The following SEMA3A variants were observed in gnomAD, a reference collection of about 807,000 sequenced individuals.
SEMA3A encodes semaphorin 3A.
Under a neutral mutation model 97.9 loss-of-function variants are expected in SEMA3A, and 29 were observed. The ratio of observed to expected loss-of-function variants is 0.30; its 90% CI spans 0.22 to 0.40. The LOEUF is 0.40. Among genes scored for constraint, SEMA3A ranks in the 10% least tolerant of loss-of-function variants. The pLI is 1.00. For missense variants in SEMA3A, 763 were observed against 951.3 expected, an observed-to-expected ratio of 0.80 and a Z score of 2.60; for synonymous variants, 321 against 323.7, an observed-to-expected ratio of 0.99 and a Z score of 0.09.
chr7:84,281,787 G>A (rs1197998968), intron 3 of SEMA3A, among the ~76,000 whole-genome samples: 1 of 152,038 alleles, frequency 6.6e-6, no homozygotes, highest in African/African-American at 2.4e-5. Flanking sequence ...CTATAAAATG[G>A]GGGAAAATGT....
chr7:84,026,171 A>C (rs1791536737), intron 6 of SEMA3A, among the ~76,000 whole-genome samples: 1 of 152,186 alleles, frequency 6.6e-6, no homozygotes, highest in South Asian at 2.1e-4. Context: ...AAGCATAAAT[A>C]CATAAAGTCA....
At chr7:84,400,606 A>G (rs1803875462) in intron 1 of SEMA3A, among the ~76,000 whole-genome samples, 1 of 152,170 alleles carries the variant, frequency 6.6e-6, no homozygotes, top group Non-Finnish European at 1.5e-5. Flanking sequence ...AAAAGATGAA[A>G]GAGTGAAGAA....
At chr7:84,044,399 G>A (rs1792266752) in intron 6 of SEMA3A, among the ~76,000 whole-genome samples, 1 of 151,946 alleles carries the variant, frequency 6.6e-6, no homozygotes, top group Non-Finnish European at 1.5e-5. Flanking sequence ...TTGACTACAT[G>A]TCTAATCCCC....
chr7:84,057,741 G>A lies in SEMA3A; in HGVS notation c.547+2724C>T, dbSNP rs1793049032. Among the ~76,000 whole-genome samples the A allele has an allele frequency of 3.6e-5, 5 of 140,732 alleles. No individual in the cohort carries two copies. In the South Asian group the frequency reaches 6.8e-4, roughly 19 times the overall value. The allele number at this position is 140,732 out of a possible 152,430, so 92.3% of individuals were successfully genotyped here. A position where few individuals can be genotyped will look rare whatever the true frequency, so the allele number is the denominator to read the frequency against. On this transcript the variant is annotated intron_variant, in intron 5 of 16. Coordinates refer to ENST00000265362, the MANE Select transcript of SEMA3A (RefSeq NM_006080.3). ...GATGCCACTGCACTCCAGCCTGGGC[G>A]ACAGAGCAAGATAAATAAATAAATA...
At chr7:84,180,964 A>T (rs983366343) in intron 1 of SEMA3A, among the ~76,000 whole-genome samples, 1 of 152,144 alleles carries the variant, frequency 6.6e-6, no homozygotes, top group Non-Finnish European at 1.5e-5. Flanking sequence ...TAAATACATT[A>T]AAATAAGCAA....
In SEMA3A at chr7:84,105,086, C is replaced by T. The variant is rs774145546; in HGVS notation, c.453+5384G>A. On this transcript the variant is annotated intron_variant, in intron 4 of 16. Transcript: ENST00000265362. ...GACTTTTCTCACTGAGGCTAGCATGCTACAAAATAAATACAGACTCCAATG... is the reference window on the plus strand; with the variant it reads ...GACTTTTCTCACTGAGGCTAGCATGTTACAAAATAAATACAGACTCCAATG... Among the ~76,000 whole-genome samples, 65 of 152,062 alleles carry T rather than the reference C, an allele frequency of 4.3e-4. 1 individual carries two copies. Among genetic ancestry groups the T allele is most frequent in the Non-Finnish European group, 1.0e-4 (7 of 67,984 alleles).
intron 1 of SEMA3A, among the ~76,000 whole-genome samples, chr7:84,392,044 G>T (rs1164477778): frequency 1.3e-5 from 2 of 151,738 alleles, no homozygotes; most frequent in Admixed American, 1.3e-4. Flanking sequence ...ATACAATGTG[G>T]CATTATTAAA....
intron 3 of SEMA3A, among the ~76,000 whole-genome samples, chr7:84,253,693 A>C (rs1014443523): frequency 6.6e-6 from 1 of 152,042 alleles, no homozygotes; most frequent in Admixed American, 6.6e-5. Context: ...GGAAGGAGGG[A>C]TAGAGGAGGG....
Position 84,203,269 on chromosome 7 carries a change from C to T in SEMA3A, c.-82-8601G>A, listed in dbSNP as rs369318081. On this transcript the variant is annotated intron_variant, in intron 3 of 3. Coordinates refer to the SEMA3A transcript ENST00000424555. Reference sequence around the variant, plus strand: ...TGAGTGCATTTATCTATTATAGTTCCTATTGCTTTGTATCACATTTCCTCA... The same window carrying T: ...TGAGTGCATTTATCTATTATAGTTCTTATTGCTTTGTATCACATTTCCTCA... Among the ~76,000 whole-genome samples, 49 of 151,760 alleles carry T rather than the reference C, an allele frequency of 3.2e-4. 1 individual carries two copies. In the East Asian group the frequency reaches 8.7e-3, roughly 27 times the overall value.
intron 6 of SEMA3A, among the ~76,000 whole-genome samples, chr7:84,029,820 C>T (rs972926091): frequency 3.8e-5 from 5 of 131,486 alleles, no homozygotes; most frequent in African/African-American, 7.9e-5. Flanking sequence ...TACACACACA[C>T]ACACACACAC....
At chr7:84,475,114 A>C (rs1451648919) in intron 1 of SEMA3A, among the ~76,000 whole-genome samples, 1 of 151,970 alleles carries the variant, frequency 6.6e-6, no homozygotes, top group Admixed American at 6.6e-5. Context: ...CCAGGAGTGC[A>C]GGGGCTGGGA....
At chr7:83,968,348 G>T (rs1788789540) in intron 15 of SEMA3A, among the ~76,000 whole-genome samples, 1 of 152,146 alleles carries the variant, frequency 6.6e-6, no homozygotes. Flanking sequence ...TGAGACCTTT[G>T]TCAATTCTCC....
intron 4 of SEMA3A, among the ~76,000 whole-genome samples, chr7:84,097,171 C>T (rs1010277671): frequency 2.6e-5 from 4 of 152,032 alleles, no homozygotes; most frequent in Admixed American, 6.6e-5. Context: ...AAAGATAAAT[C>T]AGAAGAAGCC....
chr7:84,366,631 A>T (rs1013102438), intron 2 of SEMA3A, among the ~76,000 whole-genome samples: 1 of 151,402 alleles, frequency 6.6e-6, no homozygotes, highest in Non-Finnish European at 1.5e-5. Flanking sequence ...ATCAAGGAAG[A>T]ACATGGAACA....
intron 6 of SEMA3A, among the ~76,000 whole-genome samples, chr7:84,018,022 A>C (rs536271760): frequency 6.6e-6 from 1 of 152,314 alleles, no homozygotes; most frequent in African/African-American, 2.4e-5. Context: ...CAAGAACCCT[A>C]GTGTTGCTAA....
chr7:83,957,597 T>C lies in SEMA3A; in HGVS notation c.*3774A>G, dbSNP rs1311220142. 6.6e-6 allele frequency: 1 copy of C among 152,142 alleles called. No individual in the cohort carries two copies. The highest frequency in any genetic ancestry group is 1.5e-5 in the Non-Finnish European group (1 of 67,988). The allele number at this position is 152,142 out of a possible 1,614,324, so 9.4% of individuals were successfully genotyped here. On this transcript the variant is annotated 3_prime_UTR_variant, in exon 17 of 17. Transcript: ENST00000265362. ...CTATATGGGCTGTCACATATGCTGATTTTATTCTCTCTTTCATTTAGATAT... is the reference window on the plus strand; with the variant it reads ...CTATATGGGCTGTCACATATGCTGACTTTATTCTCTCTTTCATTTAGATAT...
At chr7:84,416,541 G>A (rs1209133217) in intron 1 of SEMA3A, among the ~76,000 whole-genome samples, 2 of 152,034 alleles carry the variant, frequency 1.3e-5, no homozygotes, top group African/African-American at 4.8e-5. Flanking sequence ...GCATTTACGA[G>A]CTCATTTTAT....
chr7:84,139,609 T>C (rs1796240209), intron 1 of SEMA3A, among the ~76,000 whole-genome samples: 1 of 152,074 alleles, frequency 6.6e-6, no homozygotes, highest in South Asian at 2.1e-4. Flanking sequence ...CTTACTATTA[T>C]ATAAGACAAT....
At chr7:84,076,001 T>C (rs1396833447) in intron 4 of SEMA3A, among the ~76,000 whole-genome samples, 1 of 152,198 alleles carries the variant, frequency 6.6e-6, no homozygotes, top group Non-Finnish European at 1.5e-5. Context: ...ATCTTTGAAG[T>C]GTCAATATTC....
Sources: gnomAD v4.1 joint callset for allele counts (sites outside exome capture counted in the v4.1 genomes callset) on GRCh38, gnomAD v4.1.1 for gene constraint, MANE v1.5 for transcripts, NCBI Gene and HGNC (gene_info 2026-07-23, HGNC 2026-07-21) for gene names.